Variants in SLC8A1 observed in about 807,000 individuals in gnomAD.
The protein encoded by SLC8A1 is solute carrier family 8 member A1.
SLC8A1 carries 18 observed loss-of-function variants against 68.3 expected under a neutral mutation model. The observed-to-expected ratio is 0.26, with a 90% CI of 0.18 to 0.39. The LOEUF (loss-of-function observed/expected upper bound fraction) is 0.39, where lower values mean the gene tolerates loss of function less well. SLC8A1 is among the 10% of genes least tolerant of loss of function. The pLI, the probability that SLC8A1 is intolerant of heterozygous loss-of-function variation, is 1.00. For synonymous variants in SLC8A1, 475 were observed against 415.5 expected (o/e 1.14, Z -1.74); for missense variants, 985 against 1,156.7 (o/e 0.85, Z 2.15).
intron 2 of SLC8A1, among the ~76,000 whole-genome samples, chr2:40,357,516 A>AAAAC (rs1274042208): frequency 2.6e-5 from 4 of 151,516 alleles, no homozygotes; most frequent in Admixed American, 2.6e-4. Flanking sequence ...AAAAAAAAAA[A>AAAAC]ACACAAGATG....
At chr2:40,442,135 C>A (rs1014682302) in intron 1 of SLC8A1, among the ~76,000 whole-genome samples, 1 of 150,214 alleles carries the variant, frequency 6.7e-6, no homozygotes. Flanking sequence ...ACCAGCATGG[C>A]ACATGTATAC....
At chr2:40,441,327 T>C (rs1465242419) in intron 1 of SLC8A1, among the ~76,000 whole-genome samples, 2 of 152,008 alleles carry the variant, frequency 1.3e-5, no homozygotes, top group Non-Finnish European at 2.9e-5. Flanking sequence ...ACAATCAATA[T>C]TGTGAAAGCA....
chr2:40,165,992 C>T (rs1245008479), intron 4 of SLC8A1, among the ~76,000 whole-genome samples: 1 of 152,198 alleles, frequency 6.6e-6, no homozygotes, highest in African/African-American at 2.4e-5. Flanking sequence ...GAAACATTAT[C>T]TGATATGGAA....
At chr2:40,295,204 A>G (rs924850912) in intron 2 of SLC8A1, among the ~76,000 whole-genome samples, 2 of 151,984 alleles carry the variant, frequency 1.3e-5, no homozygotes, top group Non-Finnish European at 2.9e-5. Context: ...GGCTCAAGTG[A>G]TCCTCCAGCC....
intron 2 of SLC8A1, among the ~76,000 whole-genome samples, chr2:40,411,344 G>C (rs527641208): frequency 6.6e-6 from 1 of 151,994 alleles, no homozygotes; most frequent in African/African-American, 2.4e-5. Flanking sequence ...CACTGGTAAG[G>C]TTTTCTAACA....
chr2:40,356,384 T>A (rs2149462952), intron 2 of SLC8A1, among the ~76,000 whole-genome samples: 1 of 152,292 alleles, frequency 6.6e-6, no homozygotes, highest in Non-Finnish European at 1.5e-5. Flanking sequence ...CCACAGAGAA[T>A]CTAGTTCAAC....
intron 1 of SLC8A1, among the ~76,000 whole-genome samples, chr2:40,502,771 T>C (rs1240424317): frequency 6.6e-6 from 1 of 152,022 alleles, no homozygotes; most frequent in Non-Finnish European, 1.5e-5. Flanking sequence ...ATATGCAATA[T>C]AAGGAAGATG....
At chr2:40,436,184 A>C (rs1576474753) in intron 1 of SLC8A1, among the ~76,000 whole-genome samples, 2 of 151,748 alleles carry the variant, frequency 1.3e-5, no homozygotes, top group South Asian at 4.2e-4. Flanking sequence ...CTTTTTTTTC[A>C]TTGAGGTATT....
chr2:40,444,342 A>C (rs534422159), intron 1 of SLC8A1, among the ~76,000 whole-genome samples: 64 of 152,264 alleles, frequency 4.2e-4, no homozygotes, highest in Middle Eastern at 6.8e-3. Context: ...CTGTTTAAAG[A>C]AAAGTAAAAT....
intron 2 of SLC8A1, among the ~76,000 whole-genome samples, chr2:40,368,902 G>T (rs1665110463): frequency 6.6e-6 from 1 of 151,654 alleles, no homozygotes; most frequent in Non-Finnish European, 1.5e-5. Flanking sequence ...ACAACCATCT[G>T]CCCTTTGACA....
rs2148576287 is a variant in SLC8A1, at chr2:40,180,034, C to T, written c.1809-2179G>A. ...TAAAAAGCTGCAGCTCATGAAACTC[C>T]TTTCTATCTCATTTCTGTCCTCAAA... On this transcript the variant is annotated intron_variant, in intron 2 of 7. Coordinates refer to ENST00000406785, the Ensembl canonical transcript of SLC8A1. Among the ~76,000 whole-genome samples the T allele has an allele frequency of 1.3e-5, 2 of 152,172 alleles. 1 individual carries two copies. Among genetic ancestry groups the T allele is most frequent in the South Asian group, 4.1e-4 (2 of 4,820 alleles).
chr2:40,438,591 G>A (rs1699900972), intron 1 of SLC8A1, among the ~76,000 whole-genome samples: 1 of 152,132 alleles, frequency 6.6e-6, no homozygotes, highest in South Asian at 2.1e-4. Context: ...ATACTAGGAA[G>A]AATTGACAAA....
intron 2 of SLC8A1, among the ~76,000 whole-genome samples, chr2:40,406,400 T>A (rs1290938933): frequency 6.6e-6 from 1 of 152,172 alleles, no homozygotes; most frequent in Admixed American, 6.5e-5. Context: ...ATTAAATATA[T>A]AATAAACATG....
intron 2 of SLC8A1, among the ~76,000 whole-genome samples, chr2:40,324,798 T>C (rs549561186): frequency 5.3e-5 from 8 of 152,310 alleles, no homozygotes; most frequent in African/African-American, 1.9e-4. Context: ...CTTGACAAGT[T>C]CTTGGTTGAA....
chr2:40,184,505 A>G (rs928219979), intron 2 of SLC8A1, among the ~76,000 whole-genome samples: 1 of 152,212 alleles, frequency 6.6e-6, no homozygotes. Flanking sequence ...CACCTTTAGT[A>G]TTCAGGCATC....
rs373020093 is a variant in SLC8A1, at chr2:40,398,444, A to G, written c.1808+30029T>C. Among the ~76,000 whole-genome samples the G allele has an allele frequency of 6.6e-5, 10 of 152,372 alleles. No homozygotes were observed. The East Asian group carries it at 1.5e-3, about 23-fold the overall frequency. On this transcript the variant is annotated intron_variant, in intron 2 of 7. Transcript: ENST00000406785. ...ATGTAGTTAAATTTTAAGTAACTTA[A>G]AGAATTACAATAGCAATACAATTTC...
At chr2:40,292,340 C>T (rs996031411) in intron 2 of SLC8A1, among the ~76,000 whole-genome samples, 1 of 152,170 alleles carries the variant, frequency 6.6e-6, no homozygotes, top group Non-Finnish European at 1.5e-5. Context: ...TTTCCCCTGC[C>T]TCATAATTTG....
intron 2 of SLC8A1, among the ~76,000 whole-genome samples, chr2:40,317,241 T>C (rs2074584641): frequency 6.6e-6 from 1 of 152,056 alleles, no homozygotes; most frequent in Non-Finnish European, 1.5e-5. Context: ...TCTCTGTTAT[T>C]TATTACTGGA....
chr2:40,302,991 G>A (rs991652675), intron 2 of SLC8A1, among the ~76,000 whole-genome samples: 2 of 152,152 alleles, frequency 1.3e-5, no homozygotes, highest in Non-Finnish European at 2.9e-5. Context: ...AGCCCATGGA[G>A]ATCTAAACAT....
Sources: allele counts gnomAD v4.1 joint callset (sites outside exome capture counted in the v4.1 genomes callset), GRCh38; gene constraint gnomAD v4.1.1; transcripts MANE v1.5; gene names NCBI Gene and HGNC (gene_info 2026-07-23, HGNC 2026-07-21).